Variants in NMBR observed in about 807,000 individuals in gnomAD.
The protein encoded by NMBR is neuromedin-B receptor.
In NMBR, 16 loss-of-function variants were observed where a neutral mutation model predicts 20.5. The ratio of observed to expected loss-of-function variants is 0.78; its 90% confidence interval spans 0.53 to 1.19. The LOEUF is 1.19. Among genes scored for constraint, NMBR ranks in the 50% most tolerant of loss-of-function variants. The pLI is 0.00. For synonymous variants in NMBR, 212 were observed against 196.6 expected (o/e 1.08, Z -0.65); for missense variants, 582 against 499.1 (o/e 1.17, Z -1.58).
intron 1 of NMBR, among the ~76,000 whole-genome samples, chr6:142,101,293 A>T (rs1017633307): frequency 6.6e-6 from 1 of 152,202 alleles, no homozygotes; most frequent in Admixed American, 6.5e-5. Flanking sequence ...AGAAACCTTT[A>T]TGTCAACCTT....
intron 1 of NMBR, among the ~76,000 whole-genome samples, chr6:142,145,803 T>C (rs1778422317): frequency 6.6e-6 from 1 of 152,154 alleles, no homozygotes; most frequent in South Asian, 2.1e-4. Context: ...ACATTAAAAT[T>C]ACATGAGGAC....
chr6:142,108,934 A>G (rs573959336), intron 1 of NMBR, among the ~76,000 whole-genome samples: 31 of 152,320 alleles, frequency 2.0e-4, no homozygotes, highest in African/African-American at 7.0e-4. Context: ...TCCTAGATAC[A>G]ATGAGAGTAC....
chr6:142,112,205 T>C (rs745434553), intron 1 of NMBR, among the ~76,000 whole-genome samples: 4 of 152,148 alleles, frequency 2.6e-5, no homozygotes, highest in Non-Finnish European at 5.9e-5. Flanking sequence ...AACTGGTAAA[T>C]AACCTGCTAG....
intron 2 of NMBR, among the ~76,000 whole-genome samples, chr6:142,083,827 A>G (rs1398041139): frequency 4.6e-5 from 7 of 152,278 alleles, no homozygotes; most frequent in African/African-American, 1.4e-4. Flanking sequence ...TCTTTTCTTT[A>G]TAAGTTACCA....
chr6:142,078,523 A>T (rs1776998817), intron 3 of NMBR, 32 bp downstream of exon 3: 12 of 1,266,390 alleles, frequency 9.5e-6, no homozygotes, highest in Non-Finnish European at 1.3e-5. Flanking sequence ...TGTTCTGACC[A>T]CACACCACCA....
At chr6:142,114,623 T>C (rs1372315951) in intron 1 of NMBR, among the ~76,000 whole-genome samples, 1 of 152,084 alleles carries the variant, frequency 6.6e-6, no homozygotes, top group African/African-American at 2.4e-5. Flanking sequence ...ATTGACTTGA[T>C]AATGAACATC....
At chr6:142,106,839 C>G (rs564195305) in intron 1 of NMBR, among the ~76,000 whole-genome samples, 2 of 152,242 alleles carry the variant, frequency 1.3e-5, no homozygotes, top group Admixed American at 6.5e-5. Flanking sequence ...ACAAGATGGC[C>G]AGAAAAGCAC....
intron 1 of NMBR, among the ~76,000 whole-genome samples, chr6:142,136,063 A>T (rs1778248926): frequency 6.6e-6 from 1 of 152,242 alleles, no homozygotes; most frequent in Non-Finnish European, 1.5e-5. Context: ...TCCCTGAGGA[A>T]TCGCCACACT....
chr6:142,123,352 C>T (rs1777978356), intron 1 of NMBR, among the ~76,000 whole-genome samples: 1 of 151,888 alleles, frequency 6.6e-6, no homozygotes, highest in South Asian at 2.1e-4. Flanking sequence ...GAGAGTATTT[C>T]TTCAGATGCA....
Position 142,078,555 on chromosome 6 carries a change from C to T in NMBR, c.771G>A (p.Gln257=). ...ACCAACCCACGCCTACTAAGCTTACCTGTTTTTTGGTATGTTCATTGTATT... is the reference window on the plus strand; with the variant it reads ...ACCAACCCACGCCTACTAAGCTTACTTGTTTTTTGGTATGTTCATTGTATT... ...PGEYNEHTKK[Q]METRKRLAKI... The change falls in exon 3 of 4, where the codon CAG becomes CAA. Residue 257 remains glutamine (Q), a splice_region_variant and synonymous_variant. Transcript: ENST00000258042. 6.4e-7 allele frequency: 1 copy of T among 1,564,336 alleles called. No individual in the cohort carries two copies. Among genetic ancestry groups the T allele is most frequent in the Non-Finnish European group, 8.7e-7 (1 of 1,148,810 alleles).
chr6:142,131,901 C>A (rs759269264), intron 1 of NMBR, among the ~76,000 whole-genome samples: 10 of 152,174 alleles, frequency 6.6e-5, no homozygotes, highest in Non-Finnish European at 1.5e-4. Flanking sequence ...ATGGTAAAAG[C>A]CAAAGCACTA....
At chr6:142,146,410 A>G (rs2114620039) in intron 1 of NMBR, among the ~76,000 whole-genome samples, 1 of 152,318 alleles carries the variant, frequency 6.6e-6, no homozygotes. Context: ...AAGTAAATAA[A>G]GTGTACAGTC....
chr6:142,135,012 A>G (rs1000655923), intron 1 of NMBR: 3 of 445,642 alleles, frequency 6.7e-6, no homozygotes, highest in African/African-American at 2.0e-5. Context: ...AAACAAACTT[A>G]CTTCAATGTG....
At chr6:142,083,668 G>A (rs1323422844) in intron 2 of NMBR, among the ~76,000 whole-genome samples, 1 of 152,022 alleles carries the variant, frequency 6.6e-6, no homozygotes, top group Non-Finnish European at 1.5e-5. Context: ...TTGAAAGCGT[G>A]TAGCACTTCC....
At chr6:142,123,719 AT>A (rs1777984417) in intron 1 of NMBR, among the ~76,000 whole-genome samples, 1 of 151,916 alleles carries the variant, frequency 6.6e-6, no homozygotes, top group African/African-American at 2.4e-5. Context: ...GATCATTAGC[AT>A]TTTTAAACAA....
In NMBR at chr6:142,078,883, G is replaced by C. The variant is rs138994608; in HGVS notation, c.443C>G (p.Pro148Arg). ...TGCCCCTGACGTCTGCATGTCCATG[G>C]GGTTAACGATGGCTCTGTACCTGGG... is the stretch of plus-strand genomic sequence containing the variant. ...SADRYRAIVN[P>R]MDMQTSGALL... The change falls in exon 3 of 4, where the codon CCC becomes CGC. Residue 148 changes from proline (P) to arginine (R), a missense_variant. Pro to Arg is a moderately radical substitution (Grantham distance 103). Coordinates refer to ENST00000258042, the MANE Select transcript of NMBR (RefSeq NM_002511.4). 2.5e-6 allele frequency: 4 copies of C among 1,612,596 alleles called. No homozygotes were observed. The highest frequency in any genetic ancestry group is 3.4e-6 in the Non-Finnish European group (4 of 1,179,448).
rs1312327810 is a variant in NMBR, at chr6:142,078,598, G to T, written c.728C>A (p.Ala243Glu). Residue 243 changes from alanine to glutamate, a missense_variant, in exon 3 of 4, where the codon GCA becomes GAA. Physicochemically the swap from Ala to Glu is moderately radical, Grantham distance 107. Transcript: ENST00000258042. ...ATTGTATTCTCCAGGAAGATTGTGT[G>T]CGCTTTTAATTAAGGTCTTTGCAAT... ...YHIAKTLIKS[A>E]HNLPGEYNEH... is the part of the protein sequence containing the mutation. The T allele has an allele frequency of 6.2e-7, 1 of 1,610,222 alleles. No homozygotes were observed. The highest frequency in any genetic ancestry group is 2.2e-5 in the East Asian group (1 of 44,870).
chr6:142,087,028 A>C (rs1404637890), intron 2 of NMBR, among the ~76,000 whole-genome samples: 1 of 152,198 alleles, frequency 6.6e-6, no homozygotes, highest in Non-Finnish European at 1.5e-5. Flanking sequence ...AGATAATAGA[A>C]ATGCTGCCAC....
At chr6:142,114,366 C>T (rs768315532) in intron 1 of NMBR, among the ~76,000 whole-genome samples, 1 of 151,594 alleles carries the variant, frequency 6.6e-6, no homozygotes, top group Non-Finnish European at 1.5e-5. Flanking sequence ...TAATCTAATA[C>T]TTTTTCACAA....
Sources: allele counts gnomAD v4.1 joint callset (sites outside exome capture counted in the v4.1 genomes callset), GRCh38; gene constraint gnomAD v4.1.1; transcripts MANE v1.5; gene names NCBI Gene and HGNC (gene_info 2026-07-23, HGNC 2026-07-21).